The following POM121C variants were observed in gnomAD, a reference collection of about 807,000 sequenced individuals.
POM121C encodes the protein nuclear envelope pore membrane protein POM 121C.
In POM121C, 20 loss-of-function variants were observed where a neutral mutation model predicts 66.4. That is an observed-to-expected ratio of 0.30 (90% CI 0.21 to 0.44). The LOEUF (loss-of-function observed/expected upper bound fraction) is 0.44. Among genes scored for constraint, POM121C ranks in the 20% least tolerant of loss-of-function variants. The pLI is 1.00. For missense variants in POM121C, 580 were observed against 1,225.7 expected (o/e 0.47, Z 7.87); for synonymous variants, 286 against 528.0 (o/e 0.54, Z 6.28).
At chr7:75,480,942 T>C (rs11979333) in intron 1 of POM121C, among the ~76,000 whole-genome samples, 15 of 122,654 alleles carry the variant, frequency 1.2e-4, no homozygotes, top group Non-Finnish European at 5.4e-5. Context: ...ATATTTAATA[T>C]AATATTCTTG....
At chr7:75,475,843 AC>A (rs1792050602) in intron 1 of POM121C, among the ~76,000 whole-genome samples, 1 of 152,148 alleles carries the variant, frequency 6.6e-6, no homozygotes, top group African/African-American at 2.4e-5. Flanking sequence ...AATTATTTTA[AC>A]TTTATGCCAT....
chr7:75,476,505 C>G (rs1400834453), intron 1 of POM121C, among the ~76,000 whole-genome samples: 1 of 151,810 alleles, frequency 6.6e-6, no homozygotes, highest in Non-Finnish European at 1.5e-5. Context: ...ACAGCTAGGA[C>G]CATGTAGATC....
At position 75,441,603 on chromosome 7, in the gene POM121C, C is replaced by T; in HGVS notation, c.-107G>A. The T allele has an allele frequency of 6.3e-7, 1 of 1,586,590 alleles. No individual in the cohort carries two copies. Among genetic ancestry groups the T allele is most frequent in the Non-Finnish European group, 8.6e-7 (1 of 1,165,784 alleles). ...CTGGGTCTGATGGATCGGATAGCGT[C>T]TTCGAGGTGTTATTACAAACCGATC... On this transcript the variant is annotated 5_prime_UTR_variant, in exon 4 of 15. Transcript: ENST00000615331.
chr7:75,423,711 C>G (rs1208967119), intron 12 of POM121C, among the ~76,000 whole-genome samples: 1 of 152,186 alleles, frequency 6.6e-6, no homozygotes, highest in Admixed American at 6.5e-5. Flanking sequence ...TGTTCTGGAC[C>G]AGTAGTTCTG....
chr7:75,468,927 T>C (rs1554478251), intron 3 of POM121C, among the ~76,000 whole-genome samples: 1 of 152,094 alleles, frequency 6.6e-6, no homozygotes, highest in East Asian at 1.9e-4. Context: ...AAGACCAAAT[T>C]CCCAATTTCG....
chr7:75,486,087 G>A lies in POM121C; in HGVS notation c.-681C>T. 1 of 380,284 alleles carries A rather than the reference G, an allele frequency of 2.6e-6. No individual in the cohort carries two copies. Among genetic ancestry groups the A allele is most frequent in the Non-Finnish European group, 5.1e-6 (1 of 197,228 alleles). The allele number at this position is 380,284 out of a possible 1,614,324, so 23.6% of individuals were successfully genotyped here. A position where few individuals can be genotyped will look rare whatever the true frequency, so the allele number is the denominator to read the frequency against. On this transcript the variant is annotated 5_prime_UTR_variant, in exon 1 of 15. Coordinates refer to ENST00000615331, the MANE Select transcript of POM121C (RefSeq NM_001099415.3). ...GGCTCCCGGCCCCTCTGGCCCCAGC[G>A]CCGCCGGCTCCGGGGTTCACGCTCG...
At chr7:75,468,285 A>G (rs13222209) in intron 3 of POM121C, among the ~76,000 whole-genome samples, 26,009 of 149,292 alleles carry the variant, frequency 0.17, 2,606 homozygotes, top group Middle Eastern at 0.28. Context: ...CTTAAGTCCA[A>G]ATTCTGTTTC....
At chr7:75,462,066 G>A (rs1258507056) in intron 3 of POM121C, among the ~76,000 whole-genome samples, 6 of 145,812 alleles carry the variant, frequency 4.1e-5, no homozygotes, top group Non-Finnish European at 9.0e-5. Context: ...ACAATAACCA[G>A]ATCATCTGAT....
intron 7 of POM121C, among the ~76,000 whole-genome samples, chr7:75,432,790 A>G: frequency 6.6e-6 from 1 of 152,216 alleles, no homozygotes; most frequent in Non-Finnish European, 1.5e-5. Flanking sequence ...AATTCTGGGT[A>G]TTATCTGTGT....
intron 1 of POM121C, among the ~76,000 whole-genome samples, chr7:75,485,341 G>C (rs1216051640): frequency 6.6e-6 from 1 of 152,076 alleles, no homozygotes; most frequent in Non-Finnish European, 1.5e-5. Context: ...ACACTGGCCT[G>C]GGAGATAAGT....
At chr7:75,437,493 A>G (rs371758747) in intron 7 of POM121C, 22 bp downstream of exon 7, 4 of 1,590,728 alleles carry the variant, frequency 2.5e-6, no homozygotes, top group Non-Finnish European at 3.4e-6. Flanking sequence ...TGCCCCCCAC[A>G]TTACAAGAGC....
chr7:75,419,552 C>T (rs1288649817), intron 13 of POM121C, 110 bp from the exon 14 acceptor site: 1 of 1,316,390 alleles, frequency 7.6e-7, no homozygotes, highest in Admixed American at 3.0e-5. Flanking sequence ...CCCTCAGCCC[C>T]ACTTCTGCTT....
At position 75,484,576 on chromosome 7, in the gene POM121C, C is replaced by T. The variant is rs1417837429; in HGVS notation, c.-458+1288G>A. 5.5e-5 allele frequency among the ~76,000 whole-genome samples: 8 copies of T among 144,804 alleles called. No individual in the cohort carries two copies. In the East Asian group the frequency reaches 1.7e-3, roughly 30 times the overall value. The allele number at this position is 144,804 out of a possible 152,430, so 95.0% of individuals were successfully genotyped here. A position where few individuals can be genotyped will look rare whatever the true frequency, so the allele number is the denominator to read the frequency against. On this transcript the variant is annotated intron_variant, in intron 1 of 14. Transcript: ENST00000615331. ...CCCAGCTACTCAGGAGGCTGAGGCA[C>T]GAGAATCCTTTGAACCTGGGAGGTG...
At chr7:75,482,003 T>C (rs1792326340) in intron 1 of POM121C, among the ~76,000 whole-genome samples, 1 of 151,822 alleles carries the variant, frequency 6.6e-6, no homozygotes, top group African/African-American at 2.4e-5. Flanking sequence ...AGTAGACAAA[T>C]GCCACGTATG....
intron 6 of POM121C, among the ~76,000 whole-genome samples, chr7:75,438,677 G>A (rs1353199809): frequency 6.6e-6 from 1 of 152,148 alleles, no homozygotes; most frequent in Non-Finnish European, 1.5e-5. Context: ...CACAGACCAG[G>A]AGCACTTTAG....
chr7:75,486,293 G>C lies in POM121C; in HGVS notation c.-887C>G, dbSNP rs1264836769. On this transcript the variant is annotated 5_prime_UTR_variant, in exon 1 of 15. Coordinates refer to ENST00000615331, the MANE Select transcript of POM121C (RefSeq NM_001099415.3). ...TGACCTGAAGAGGCACAGGAAGCGA[G>C]GGCAGTGCGGAGGTGGCGCGCATGT... is the stretch of plus-strand genomic sequence containing the variant. 1 of 252,468 alleles carries C rather than the reference G, an allele frequency of 4.0e-6. No homozygotes were observed. Among genetic ancestry groups the C allele is most frequent in the African/African-American group, 2.4e-5 (1 of 41,888 alleles). 15.6% of individuals were successfully genotyped at this position (252,468 alleles called of 1,614,324 possible).
rs1389247484 is a variant in POM121C at position 75,449,833 on chromosome 7, T to A, written c.-151-8186A>T. Among the ~76,000 whole-genome samples the A allele has an allele frequency of 5.9e-5, 9 of 151,916 alleles. No individual in the cohort carries two copies. In the East Asian group the frequency reaches 1.6e-3, roughly 26 times the overall value. ...GAGTTCGAGACCAGCCTGGCCAACA[T>A]GGCCAGGCCCGTCTCTACTAAAAAT... On this transcript the variant is annotated intron_variant, in intron 3 of 14. Transcript: ENST00000615331.
In POM121C at chr7:75,439,512, C is replaced by T. The variant is rs147361199; in HGVS notation, c.228-288G>A. On this transcript the variant is annotated intron_variant, in intron 5 of 14. Transcript: ENST00000615331. ...CCAATTCTCCTGCCTCAGCCTCCAG[C>T]GCAGCTGGGACTACAAGTATGCACC... 7.5e-3 allele frequency among the ~76,000 whole-genome samples: 1,146 copies of T among 152,256 alleles called. 13 individuals carry two copies. Among genetic ancestry groups the T allele is most frequent in the African/African-American group, 0.026 (1,069 of 41,540 alleles).
intron 1 of POM121C, among the ~76,000 whole-genome samples, chr7:75,481,558 C>T (rs761335932): frequency 7.2e-5 from 11 of 152,120 alleles, no homozygotes; most frequent in Admixed American, 2.6e-4. Context: ...CTAGGCCAGC[C>T]GTGGTGGCTC....
Sources: allele counts gnomAD v4.1 joint callset (sites outside exome capture counted in the v4.1 genomes callset), GRCh38; gene constraint gnomAD v4.1.1; transcripts MANE v1.5; gene names NCBI Gene and HGNC (gene_info 2026-07-23, HGNC 2026-07-21).